The following LPA variants were observed in gnomAD, a reference collection of about 807,000 sequenced individuals.
LPA encodes apolipoprotein(a).
A neutral mutation model predicts 197.9 loss-of-function variants in LPA; 199 were observed. The observed-to-expected ratio is 1.01, with a 90% CI of 0.90 to 1.13. The LOEUF (loss-of-function observed/expected upper bound fraction) is 1.13, where lower values mean the gene tolerates loss of function less well. LPA is among the 50% of genes most tolerant of loss of function. LPA has a pLI of 0.00. For synonymous variants in LPA, 715 were observed against 639.5 expected (o/e 1.12, Z -1.78); for missense variants, 1,853 against 1,785.8 (o/e 1.04, Z -0.68).
At chr6:160,648,725 T>G (rs969478468) in intron 2 of LPA, among the ~76,000 whole-genome samples, 2 of 152,216 alleles carry the variant, frequency 1.3e-5, no homozygotes, top group Middle Eastern at 3.2e-3. Context: ...TTTTTTCATT[T>G]AAGACATATC....
intron 20 of LPA, among the ~76,000 whole-genome samples, chr6:160,596,959 C>G (rs1244110320): frequency 6.6e-6 from 1 of 152,098 alleles, no homozygotes; most frequent in Non-Finnish European, 1.5e-5. Flanking sequence ...TTGAAATGCA[C>G]CGTATGACTC....
chr6:160,561,113 G>A (rs1218858035), intron 28 of LPA, among the ~76,000 whole-genome samples: 1 of 152,102 alleles, frequency 6.6e-6, no homozygotes. Flanking sequence ...CTTTCACTGT[G>A]TTAGCCAAGA....
chr6:160,583,796 C>A (rs1287985104), intron 26 of LPA, among the ~76,000 whole-genome samples: 1 of 152,142 alleles, frequency 6.6e-6, no homozygotes, highest in Non-Finnish European at 1.5e-5. Context: ...CCCAGTTTAG[C>A]AAGACTGCTG....
At chr6:160,577,341 G>A in intron 27 of LPA, 46 bp from the exon 28 acceptor site, 1 of 1,575,628 alleles carries the variant, frequency 6.3e-7, no homozygotes, top group South Asian at 1.1e-5. Flanking sequence ...TGCATGAGCA[G>A]AGAAACATGG....
In LPA at chr6:160,585,183, C is replaced by G. The variant is rs764191464; in HGVS notation, c.4152G>C (p.Gly1384=). 20 of 1,613,528 alleles carry G rather than the reference C, an allele frequency of 1.2e-5. No homozygotes were observed. Among genetic ancestry groups the G allele is most frequent in the Non-Finnish European group, 1.6e-5 (19 of 1,179,778 alleles). Residue 1384 remains glycine (G), a synonymous_variant, in exon 26 of 39, where the codon GGG becomes GGC. Coordinates refer to ENST00000316300, the MANE Select transcript of LPA (RefSeq NM_005577.4). ...SEEAPTENST[G]VQDCYRGDGQ... ...CATCACCTCGGTAGCAGTCCTGGAC[C>G]CCAGTGCTGTTTTCAGTTGGTGCTG...
chr6:160,542,114 G>C (rs1284063355), intron 34 of LPA, among the ~76,000 whole-genome samples: 12 of 152,298 alleles, frequency 7.9e-5, no homozygotes, highest in Admixed American at 3.9e-4. Flanking sequence ...CGAATTGCAT[G>C]TTCCACTGAA....
chr6:160,549,836 T>A (rs1583571889), intron 30 of LPA, among the ~76,000 whole-genome samples: 1 of 152,110 alleles, frequency 6.6e-6, no homozygotes, highest in East Asian at 1.9e-4. Flanking sequence ...GAAGGAACAG[T>A]GGGACCCAAG....
intron 28 of LPA, among the ~76,000 whole-genome samples, chr6:160,570,074 C>A (rs200093360): frequency 6.6e-6 from 1 of 152,128 alleles, no homozygotes; most frequent in Non-Finnish European, 1.5e-5. Flanking sequence ...GAAGACAGTG[C>A]GGTGATTCCT....
chr6:160,575,216 T>A (rs1778633915), intron 28 of LPA, among the ~76,000 whole-genome samples: 1 of 152,160 alleles, frequency 6.6e-6, no homozygotes, highest in African/African-American at 2.4e-5. Flanking sequence ...TTTGGAAAGT[T>A]TTCAGCCATC....
chr6:160,609,314 T>C (rs1218382398), intron 16 of LPA, among the ~76,000 whole-genome samples: 1 of 152,130 alleles, frequency 6.6e-6, no homozygotes, highest in African/African-American at 2.4e-5. Flanking sequence ...CATTCTCGGT[T>C]GATCTCTTCT....
At position 160,537,917 on chromosome 6, in the gene LPA, G is replaced by T. The variant is rs543542931; in HGVS notation, c.5780C>A (p.Ser1927Tyr). ...TDKVMPACLP[S>Y]PDYMVTARTE... ...CCTGGCGGTGACCATGTAGTCTGGG[G>T]ATGGCAGACAAGCTGGCATTACTTT... The change falls in exon 37 of 39, where the codon TCC (serine) becomes TAC (tyrosine). Residue 1927 changes from serine to tyrosine, a missense_variant. This residue lies in a region of LPA where 1,737 missense variants were observed against 1,504.4 expected (regional missense o/e 1.15). Transcript: ENST00000316300. The T allele has an allele frequency of 6.2e-7, 1 of 1,614,242 alleles. No individual in the cohort carries two copies. The highest frequency in any genetic ancestry group is 1.1e-5 in the South Asian group (1 of 91,086).
rs757455105 is a variant in LPA at position 160,594,066 on chromosome 6, T to C, written c.3521A>G (p.Gln1174Arg). The change falls in exon 22 of 39, where the codon CAG becomes CGG. Residue 1174 changes from glutamine (Q) to arginine (R), a missense_variant. Around this residue, in one of 3 missense-constraint regions of LPA, gnomAD observed 1,737 missense variants for 1,504.4 expected, o/e 1.15. Coordinates refer to ENST00000316300, the MANE Select transcript of LPA (RefSeq NM_005577.4). The part of the protein sequence containing the change: ...GVQDCYHGDG[Q>R]SYRGSFSTTV... Reference sequence around the variant, plus strand: ...GGTAGAGAATGAGCCTCGATAACTCTGTCCATCACCATGGTAGCAATCCTG... The same window carrying C: ...GGTAGAGAATGAGCCTCGATAACTCCGTCCATCACCATGGTAGCAATCCTG... 8.7e-6 allele frequency: 14 copies of C among 1,613,870 alleles called. No homozygotes were observed. The highest frequency in any genetic ancestry group is 7.7e-5 in the South Asian group (7 of 91,084).
intron 28 of LPA, among the ~76,000 whole-genome samples, chr6:160,574,899 A>G (rs115952177): frequency 0.04 from 6,152 of 152,208 alleles, 396 homozygotes; most frequent in African/African-American, 0.14. Context: ...CAGAGCTGCA[A>G]TCTAGTCCTG....
chr6:160,585,195 T>C lies in LPA; in HGVS notation c.4140A>G (p.Glu1380=). The part of the protein sequence containing the change: ...TELPSEEAPT[E]NSTGVQDCYR... Reference sequence around the variant, plus strand: ...AGCAGTCCTGGACCCCAGTGCTGTTTTCAGTTGGTGCTGAAATTAAAAGAG... The same window carrying C: ...AGCAGTCCTGGACCCCAGTGCTGTTCTCAGTTGGTGCTGAAATTAAAAGAG... The change falls in exon 26 of 39, where the codon GAA becomes GAG. Residue 1380 remains glutamate, a synonymous_variant. Transcript: ENST00000316300. 1 of 1,613,802 alleles carries C rather than the reference T, an allele frequency of 6.2e-7. No homozygotes were observed. The highest frequency in any genetic ancestry group is 1.7e-4 in the Middle Eastern group (1 of 6,056).
At chr6:160,563,346 G>C (rs143980247) in intron 28 of LPA, among the ~76,000 whole-genome samples, 1 of 152,158 alleles carries the variant, frequency 6.6e-6, no homozygotes. Context: ...TTCAGGAGCA[G>C]GTTGTTCAGT....
chr6:160,575,101 T>C (rs1221450607), intron 28 of LPA, among the ~76,000 whole-genome samples: 1 of 152,198 alleles, frequency 6.6e-6, no homozygotes, highest in East Asian at 1.9e-4. Flanking sequence ...TTTTAGACAA[T>C]TTAACCAAGA....
chr6:160,651,278 G>T (rs555099948), intron 1 of LPA, among the ~76,000 whole-genome samples: 1 of 152,286 alleles, frequency 6.6e-6, no homozygotes, highest in East Asian at 1.9e-4. Context: ...AGAAACAGCA[G>T]TTTCAATGGG....
At chr6:160,574,472 T>A (rs1458750684) in intron 28 of LPA, among the ~76,000 whole-genome samples, 1 of 152,064 alleles carries the variant, frequency 6.6e-6, no homozygotes, top group Non-Finnish European at 1.5e-5. Flanking sequence ...CAGTCCTCCA[T>A]GTGGAGTTTT....
In LPA at chr6:160,586,648, A is replaced by G; in HGVS notation, c.3948-18T>C. ...TCAGGCCACTGCAAATTCCAAAACA[A>G]TACAGGTCACCAGAGATTGGAGAAG... is the stretch of plus-strand genomic sequence containing the variant. On this transcript the variant is annotated intron_variant, in intron 24 of 38. Transcript: ENST00000316300. The G allele has an allele frequency of 1.2e-6, 2 of 1,613,404 alleles. No individual in the cohort carries two copies. Among genetic ancestry groups the G allele is most frequent in the Admixed American group, 3.3e-5 (2 of 59,978 alleles).
Sources: allele counts gnomAD v4.1 joint callset (sites outside exome capture counted in the v4.1 genomes callset), GRCh38; gene constraint gnomAD v4.1.1; regional missense constraint gnomAD v4.1.1; transcripts MANE v1.5; gene names NCBI Gene and HGNC (gene_info 2026-07-23, HGNC 2026-07-21).